FGGY: variants seen among roughly 807,000 people sequenced by gnomAD.
The protein encoded by FGGY is FGGY carbohydrate kinase domain-containing protein.
A neutral mutation model predicts 71.3 loss-of-function variants in FGGY; 72 were observed. The observed-to-expected ratio is 1.01, with a 90% CI of 0.84 to 1.23. The LOEUF is 1.23. Among genes scored for constraint, FGGY ranks in the 50% most tolerant of loss-of-function variants. FGGY has a pLI of 0.00. For synonymous variants in FGGY, 251 were observed against 250.3 expected, an observed-to-expected ratio of 1.00 and a Z score of -0.02; for missense variants, 668 against 682.3, an observed-to-expected ratio of 0.98 and a Z score of 0.23.
At chr1:59,739,478 C>T (rs2098130386) in intron 14 of FGGY, among the ~76,000 whole-genome samples, 1 of 152,130 alleles carries the variant, frequency 6.6e-6, no homozygotes, top group Non-Finnish European at 1.5e-5. Context: ...GTGAGGGGTG[C>T]AGGGGTATGG....
chr1:59,586,462 A>G (rs573898762), intron 8 of FGGY, among the ~76,000 whole-genome samples: 25 of 152,178 alleles, frequency 1.6e-4, no homozygotes, highest in African/African-American at 5.3e-4. Context: ...AACAATGAGA[A>G]CACATGGACA....
chr1:59,589,379 G>A (rs1177123332), intron 8 of FGGY, among the ~76,000 whole-genome samples: 12 of 152,048 alleles, frequency 7.9e-5, no homozygotes, highest in Non-Finnish European at 1.2e-4. Flanking sequence ...ACAGATCAAC[G>A]AGACAGAAAG....
Position 59,724,024 on chromosome 1 carries a change from AT to A in FGGY, c.1513-33906del, listed in dbSNP as rs1486550254. ...CTAGAAATGCAAAAATTAGCCAGGC[AT>A]GGTGGCAGGGGCCTGTAATCCCAGC... On this transcript the variant is annotated intron_variant, in intron 14 of 15. Coordinates refer to ENST00000303721, the MANE Select transcript of FGGY (RefSeq NM_018291.5). Among the ~76,000 whole-genome samples, 6 of 152,012 alleles carry A rather than the reference AT, an allele frequency of 3.9e-5. No homozygotes were observed. The South Asian group carries it at 6.2e-4, about 16-fold the overall frequency.
rs552222531 is a variant in FGGY at position 59,584,354 on chromosome 1, G to C, written c.904-23449G>C. ...GTGGGCTTCATCCCTGGGATGCAAG[G>C]CTTGTTCAGCATACACAAATCAATA... On this transcript the variant is annotated intron_variant, in intron 8 of 15. Coordinates refer to ENST00000303721, the MANE Select transcript of FGGY (RefSeq NM_018291.5). Among the ~76,000 whole-genome samples, 8 of 150,110 alleles carry C rather than the reference G, an allele frequency of 5.3e-5. No homozygotes were observed. In the East Asian group the frequency reaches 1.2e-3, roughly 22 times the overall value.
intron 14 of FGGY, among the ~76,000 whole-genome samples, chr1:59,723,567 G>A (rs1284549407): frequency 2.7e-5 from 4 of 149,624 alleles, no homozygotes; most frequent in South Asian, 2.1e-4. Flanking sequence ...TTTTTTTGGG[G>A]GGGGGTGGTT....
intron 9 of FGGY, among the ~76,000 whole-genome samples, chr1:59,623,989 T>C (rs1392573351): frequency 1.3e-5 from 2 of 152,140 alleles, no homozygotes; most frequent in Non-Finnish European, 2.9e-5. Context: ...TAATTATCCA[T>C]TACTGTTCCC....
chr1:59,741,258 G>A (rs2098144208), intron 14 of FGGY, among the ~76,000 whole-genome samples: 1 of 152,118 alleles, frequency 6.6e-6, no homozygotes, highest in Admixed American at 6.5e-5. Context: ...GAGGGCCCTG[G>A]TGGGAGGTGA....
At chr1:59,728,862 G>A (rs920604968) in intron 14 of FGGY, among the ~76,000 whole-genome samples, 1 of 151,874 alleles carries the variant, frequency 6.6e-6, no homozygotes, top group Non-Finnish European at 1.5e-5. Context: ...CTCAGCTTTC[G>A]ATATTTTCAT....
chr1:59,518,544 G>C (rs2094727438), intron 7 of FGGY, among the ~76,000 whole-genome samples: 2 of 152,350 alleles, frequency 1.3e-5, no homozygotes, highest in South Asian at 4.1e-4. Flanking sequence ...GGGGTCCCTA[G>C]TGGGAGGGGA....
chr1:59,482,623 TG>T (rs2093524015), intron 6 of FGGY, among the ~76,000 whole-genome samples: 1 of 106,548 alleles, frequency 9.4e-6, no homozygotes, highest in Non-Finnish European at 1.9e-5. Flanking sequence ...TGTGTGTGTG[TG>T]TGTCTGTGTG....
intron 1 of FGGY, among the ~76,000 whole-genome samples, chr1:59,304,808 CT>C (rs2043212946): frequency 6.6e-6 from 1 of 152,050 alleles, no homozygotes; most frequent in South Asian, 2.1e-4. Context: ...TTCCTAAGTA[CT>C]TTTTCCTTTT....
At chr1:59,575,568 G>A (rs1331543776) in intron 8 of FGGY, among the ~76,000 whole-genome samples, 1 of 152,154 alleles carries the variant, frequency 6.6e-6, no homozygotes, top group Non-Finnish European at 1.5e-5. Flanking sequence ...ACATGAGAGT[G>A]CAGACATCTC....
intron 9 of FGGY, among the ~76,000 whole-genome samples, chr1:59,620,076 A>T (rs1178048250): frequency 6.6e-6 from 1 of 152,034 alleles, no homozygotes; most frequent in Non-Finnish European, 1.5e-5. Flanking sequence ...ATTCAATGTT[A>T]TGGAGTCAGA....
intron 5 of FGGY, among the ~76,000 whole-genome samples, chr1:59,434,619 G>A (rs2068037433): frequency 6.6e-6 from 1 of 152,210 alleles, no homozygotes; most frequent in South Asian, 2.1e-4. Flanking sequence ...AGGCTAGGAA[G>A]TCCAAGATCC....
intron 14 of FGGY, among the ~76,000 whole-genome samples, chr1:59,741,479 A>G (rs190350618): frequency 3.2e-4 from 48 of 152,286 alleles, no homozygotes; most frequent in African/African-American, 1.1e-3. Flanking sequence ...TGCTTCCTGT[A>G]TAGCCTGCAG....
intron 6 of FGGY, among the ~76,000 whole-genome samples, chr1:59,482,548 ATG>A (rs974393412): frequency 6.7e-6 from 1 of 150,064 alleles, no homozygotes; most frequent in African/African-American, 2.5e-5. Context: ...AGATTTATAT[ATG>A]TGTGTCTATG....
chr1:59,300,029 A>G (rs893708160), intron 1 of FGGY, among the ~76,000 whole-genome samples: 5 of 152,256 alleles, frequency 3.3e-5, no homozygotes, highest in Non-Finnish European at 7.3e-5. Flanking sequence ...TTTAGAGCTC[A>G]TATCTAATGG....
rs372420191 is a variant in FGGY at position 59,588,456 on chromosome 1, A to G, written c.904-19347A>G. On this transcript the variant is annotated intron_variant, in intron 8 of 15. Transcript: ENST00000303721. The stretch of plus-strand genomic sequence containing the variant: ...GAAATACAGAGAACGCCACAAAGAT[A>G]CTCCTCGAGAAGAGCAACTCCAAGA... Among the ~76,000 whole-genome samples, 17 of 152,098 alleles carry G rather than the reference A, an allele frequency of 1.1e-4. No homozygotes were observed. The East Asian group carries it at 1.7e-3, about 16-fold the overall frequency.
rs558020538 is a variant in FGGY, at chr1:59,675,546, G to A, written c.1512+1413G>A. Among the ~76,000 whole-genome samples, 4 of 152,270 alleles carry A rather than the reference G, an allele frequency of 2.6e-5. No individual in the cohort carries two copies. The South Asian group carries it at 8.3e-4, about 32-fold the overall frequency. ...ATTAAATCCACTCATGAATTCTTGT[G>A]GATTCTGAGTGAGTCTTTAAACAAA... On this transcript the variant is annotated intron_variant, in intron 14 of 15. Coordinates refer to ENST00000303721, the MANE Select transcript of FGGY (RefSeq NM_018291.5).
Sources: gnomAD v4.1 joint callset for allele counts (sites outside exome capture counted in the v4.1 genomes callset) on GRCh38, gnomAD v4.1.1 for gene constraint, MANE v1.5 for transcripts, NCBI Gene and HGNC (gene_info 2026-07-23, HGNC 2026-07-21) for gene names.